TTC6: variants seen among roughly 807,000 people sequenced by gnomAD.
TTC6 encodes the protein tetratricopeptide repeat protein 6.
Under a neutral mutation model 210.4 loss-of-function variants are expected in TTC6, and 172 were observed. The observed-to-expected ratio is 0.82, with a 90% confidence interval of 0.72 to 0.93. TTC6 has a LOEUF of 0.93. Ranked by LOEUF, TTC6 falls within the 40% of genes least tolerant of loss-of-function variation. The pLI, the probability that TTC6 is intolerant of heterozygous loss-of-function variation, is 0.00. For synonymous variants in TTC6, 804 were observed against 819.6 expected (o/e 0.98, Z 0.32); for missense variants, 2,414 against 2,318.1 (o/e 1.04, Z -0.85).
At chr14:37,804,654 C>G (rs924527431) in intron 20 of TTC6, 26 bp from the exon 23 acceptor site, 2 of 1,603,182 alleles carry the variant, frequency 1.2e-6, no homozygotes, top group South Asian at 2.2e-5. Context: ...ATTTCTTGCC[C>G]CCTCCCTGCT....
At chr14:37,633,423 C>A (rs2095673940) in intron 1 of TTC6, among the ~76,000 whole-genome samples, 1 of 152,178 alleles carries the variant, frequency 6.6e-6, no homozygotes, top group Non-Finnish European at 1.5e-5. Context: ...GATGCCCCAC[C>A]CAGCTTCAGC....
At chr14:37,618,031 C>T (rs1406098998), upstream of TTC6, among the ~76,000 whole-genome samples, 1 of 152,222 alleles carries the variant, frequency 6.6e-6, no homozygotes, top group East Asian at 1.9e-4. Context: ...CATATGCAGA[C>T]TGCTTTCCCT....
exon 14 of TTC6, chr14:37,753,229 A>G: frequency 2.0e-6 from 3 of 1,527,578 alleles, no homozygotes; most frequent in Non-Finnish European, 2.6e-6. Context: ...CAAAATTCTC[A>G]AGCAAGGTAA....
intron 29 of TTC6, among the ~76,000 whole-genome samples, chr14:37,838,271 A>C (rs4901299): frequency 0.91 from 137,856 of 152,172 alleles, 62,678 homozygotes; most frequent in Middle Eastern, 0.95. Context: ...TATTGTAAAT[A>C]AATATACATT....
chr14:37,639,698 T>C (rs1361651512), intron 1 of TTC6, among the ~76,000 whole-genome samples: 1 of 145,960 alleles, frequency 6.9e-6, no homozygotes, highest in Non-Finnish European at 1.5e-5. Flanking sequence ...TGGCTAAATT[T>C]GTCTCTACAA....
exon 10 of TTC6, chr14:37,738,813 T>A (rs1196178137): frequency 1.3e-6 from 2 of 1,528,954 alleles, no homozygotes; most frequent in African/African-American, 2.7e-5. Flanking sequence ...AAGGAGAAGA[T>A]CATAGCTCCT....
At chr14:37,699,213 C>T (rs1389713139) in intron 4 of TTC6, among the ~76,000 whole-genome samples, 1 of 152,198 alleles carries the variant, frequency 6.6e-6, no homozygotes, top group African/African-American at 2.4e-5. Flanking sequence ...GAGTAGACAG[C>T]ACTGTATCCA....
chr14:37,717,567 C>T (rs1232862086), intron 6 of TTC6, among the ~76,000 whole-genome samples: 1 of 152,030 alleles, frequency 6.6e-6, no homozygotes, highest in African/African-American at 2.4e-5. Context: ...ATAGAACATT[C>T]CCCTTCTCCC....
At chr14:37,604,000 C>T (rs1376739934) in intron 1 of TTC6, among the ~76,000 whole-genome samples, 1 of 152,152 alleles carries the variant, frequency 6.6e-6, no homozygotes, top group African/African-American at 2.4e-5. Flanking sequence ...CAAAAAGATC[C>T]CCCACAATTC....
chr14:37,737,806 T>G (rs1004983997), intron 9 of TTC6, 72 bp downstream of exon 11: 1 of 846,864 alleles, frequency 1.2e-6, no homozygotes, highest in Admixed American at 3.3e-5. Context: ...TCACCTTATT[T>G]TTTTTTAAAA....
chr14:37,790,573 C>G (rs1464719932), intron 15 of TTC6, 144 bp from the exon 18 acceptor site: 2 of 680,630 alleles, frequency 2.9e-6, no homozygotes, highest in Non-Finnish European at 4.8e-6. Flanking sequence ...ACTTACCAAA[C>G]AAGTACACTC....
At chr14:37,677,102 C>T (rs1417550211) in intron 1 of TTC6, among the ~76,000 whole-genome samples, 1 of 151,696 alleles carries the variant, frequency 6.6e-6, no homozygotes, top group Non-Finnish European at 1.5e-5. Flanking sequence ...AAAAAAAGGC[C>T]CTTGTTTTTT....
chr14:37,786,478 C>T (rs1194585993), intron 14 of TTC6, among the ~76,000 whole-genome samples: 2 of 152,184 alleles, frequency 1.3e-5, no homozygotes, highest in Admixed American at 6.5e-5. Context: ...GTTGGAAAAG[C>T]GCAGTATTAG....
At chr14:37,755,649 T>G (rs1206097468) in intron 14 of TTC6, among the ~76,000 whole-genome samples, 4 of 151,748 alleles carry the variant, frequency 2.6e-5, no homozygotes. Flanking sequence ...CTTTCCCTGT[T>G]GCTTTTTATG....
chr14:37,819,761 G>T (rs1473953860), intron 26 of TTC6, among the ~76,000 whole-genome samples: 1 of 152,004 alleles, frequency 6.6e-6, no homozygotes, highest in Non-Finnish European at 1.5e-5. Context: ...GTTTGGGAGG[G>T]GATTTGTGAT....
chr14:37,692,900 TAAATC>T (rs2095806616), intron 3 of TTC6, among the ~76,000 whole-genome samples: 2 of 131,302 alleles, frequency 1.5e-5, no homozygotes, highest in African/African-American at 2.8e-5. Flanking sequence ...AATAAATAAA[TAAATC>T]CCAAAACCAC....
chr14:37,745,002 ACACACACACACACC>A (rs1048727499), intron 10 of TTC6, among the ~76,000 whole-genome samples: 30 of 151,812 alleles, frequency 2.0e-4, no homozygotes, highest in African/African-American at 7.0e-4. Context: ...TGGGATACAC[ACACACACACACACC>A]CACACACACA....
chr14:37,650,042 T>C (rs2095708397), intron 1 of TTC6, among the ~76,000 whole-genome samples: 1 of 152,246 alleles, frequency 6.6e-6, no homozygotes. Context: ...ACAAGTAAGC[T>C]TTCTTTCATG....
At chr14:37,669,938 T>G (rs2095755132) in intron 1 of TTC6, among the ~76,000 whole-genome samples, 1 of 152,180 alleles carries the variant, frequency 6.6e-6, no homozygotes, top group Non-Finnish European at 1.5e-5. Context: ...CTTCTTAAAA[T>G]TTATCATTTC....
Sources: gnomAD v4.1 joint callset for allele counts (sites outside exome capture counted in the v4.1 genomes callset) on GRCh38, gnomAD v4.1.1 for gene constraint, MANE v1.5 for transcripts, NCBI Gene and HGNC (gene_info 2026-07-23, HGNC 2026-07-21) for gene names.